The following ARID4B variants were observed in gnomAD, a reference collection of about 807,000 sequenced individuals.
ARID4B encodes the protein AT-rich interactive domain-containing protein 4B.
A neutral mutation model predicts 147.5 loss-of-function variants in ARID4B; 26 were observed. The ratio of observed to expected loss-of-function variants is 0.18; its 90% CI spans 0.13 to 0.24. The LOEUF (loss-of-function observed/expected upper bound fraction) is 0.24, where lower values mean the gene tolerates loss of function less well. Among genes scored for constraint, ARID4B ranks in the 10% least tolerant of loss-of-function variants. The pLI is 1.00. For synonymous variants in ARID4B, 512 were observed against 507.9 expected (o/e 1.01, Z -0.11); for missense variants, 1,179 against 1,511.5 (o/e 0.78, Z 3.65).
At chr1:235,261,499 G>A (rs531419678) in intron 2 of ARID4B, among the ~76,000 whole-genome samples, 1 of 152,244 alleles carries the variant, frequency 6.6e-6, no homozygotes, top group South Asian at 2.1e-4. Context: ...ACTCTAGCCT[G>A]GGCCACAGAG....
chr1:235,233,807 C>T (rs1401566642), intron 9 of ARID4B, among the ~76,000 whole-genome samples: 2 of 152,240 alleles, frequency 1.3e-5, no homozygotes, highest in Admixed American at 6.5e-5. Context: ...ATAGGCCGGG[C>T]GCGATGGCTC....
rs528355111 is a variant in ARID4B at position 235,257,455 on chromosome 1, G to C, written c.118-230C>G. ...CAATGATAGCACATCTAAATTACTAGATGTTCCACATGTCATTTTTTTTTT... is the reference window on the plus strand; with the variant it reads ...CAATGATAGCACATCTAAATTACTACATGTTCCACATGTCATTTTTTTTTT... On this transcript the variant is annotated intron_variant, in intron 3 of 23. Transcript: ENST00000264183. 4.1e-4 allele frequency among the ~76,000 whole-genome samples: 62 copies of C among 151,766 alleles called. 1 individual carries two copies. Among genetic ancestry groups the C allele is most frequent in the Admixed American group, 1.4e-3 (21 of 15,220 alleles).
At chr1:235,278,120 C>T (rs1367516246) in intron 2 of ARID4B, among the ~76,000 whole-genome samples, 1 of 152,152 alleles carries the variant, frequency 6.6e-6, no homozygotes, top group Non-Finnish European at 1.5e-5. Context: ...GATACTCGGT[C>T]TTGCCTTCTT....
At chr1:235,298,519 G>A (rs11580298) in intron 2 of ARID4B, among the ~76,000 whole-genome samples, 5,599 of 146,520 alleles carry the variant, frequency 0.038, 143 homozygotes, top group Non-Finnish European at 0.058. Flanking sequence ...TGAATATAAC[G>A]TATATTTATA....
rs568198999 is a variant in ARID4B, at chr1:235,190,023, G to A, written c.2125+3990C>T. The stretch of plus-strand genomic sequence containing the variant: ...AGAGTCTAGCAAGTAGGCATCACAG[G>A]GGATGAAAATATATCTACACAAGGC... On this transcript the variant is annotated intron_variant, in intron 19 of 23. Coordinates refer to ENST00000264183, the MANE Select transcript of ARID4B (RefSeq NM_016374.6). The A allele has an allele frequency of 1.3e-3, 195 of 154,384 alleles. 1 individual carries two copies. Among genetic ancestry groups the A allele is most frequent in the African/African-American group, 4.6e-3 (190 of 41,604 alleles). 9.6% of individuals were successfully genotyped at this position (154,384 alleles called of 1,614,324 possible). A position where few individuals can be genotyped will look rare whatever the true frequency, so the allele number is the denominator to read the frequency against.
At chr1:235,201,566 C>T (rs906041914) in intron 17 of ARID4B, among the ~76,000 whole-genome samples, 1 of 152,186 alleles carries the variant, frequency 6.6e-6, no homozygotes. Context: ...TCTAGTGATT[C>T]GCCCACCTTG....
At chr1:235,201,084 G>C (rs183676351) in intron 17 of ARID4B, among the ~76,000 whole-genome samples, 41 of 152,230 alleles carry the variant, frequency 2.7e-4, no homozygotes, top group Middle Eastern at 3.4e-3. Context: ...GGCAGAGGTG[G>C]CAGTGAGCCA....
At chr1:235,200,902 G>T (rs1665869255) in intron 17 of ARID4B, among the ~76,000 whole-genome samples, 1 of 152,112 alleles carries the variant, frequency 6.6e-6, no homozygotes, top group African/African-American at 2.4e-5. Context: ...CTAGCACTTT[G>T]GGAGGCCGAG....
intron 2 of ARID4B, among the ~76,000 whole-genome samples, chr1:235,316,051 A>G (rs1674403941): frequency 6.6e-6 from 1 of 151,900 alleles, no homozygotes; most frequent in Non-Finnish European, 1.5e-5. Context: ...AATAATCCCA[A>G]TTTGCTACAG....
chr1:235,236,862 A>ATATATATATATATATAT (rs1426582533), intron 8 of ARID4B, among the ~76,000 whole-genome samples: 1 of 17,490 alleles, frequency 5.7e-5, no homozygotes, highest in Non-Finnish European at 9.4e-5. Flanking sequence ...ATATATATAT[A>ATATATATATATATATAT]TTTTTTTTTT....
At chr1:235,256,425 G>T (rs1669996233) in intron 4 of ARID4B, among the ~76,000 whole-genome samples, 1 of 152,106 alleles carries the variant, frequency 6.6e-6, no homozygotes, top group Non-Finnish European at 1.5e-5. Flanking sequence ...AGGAAGGATA[G>T]GGACAATTTA....
At chr1:235,173,377 A>G (rs1663510365) in intron 22 of ARID4B, among the ~76,000 whole-genome samples, 1 of 152,006 alleles carries the variant, frequency 6.6e-6, no homozygotes, top group Non-Finnish European at 1.5e-5. Flanking sequence ...AAACAAAACA[A>G]AAAACCTGGA....
intron 2 of ARID4B, among the ~76,000 whole-genome samples, chr1:235,287,986 G>A (rs1672095101): frequency 6.6e-6 from 1 of 152,130 alleles, no homozygotes; most frequent in East Asian, 1.9e-4. Context: ...TACAGTCTAT[G>A]AGCATATTAT....
Position 235,233,773 on chromosome 1 carries a change from G to A in ARID4B, c.665+640C>T, listed in dbSNP as rs1188171030. ...TAGACCATCAAGAACAAACCCTAAGGAAATAATGTCAATAAATACATCAAT... is the reference window on the plus strand; with the variant it reads ...TAGACCATCAAGAACAAACCCTAAGAAAATAATGTCAATAAATACATCAAT... On this transcript the variant is annotated intron_variant, in intron 9 of 23. Transcript: ENST00000264183. Among the ~76,000 whole-genome samples, 69 of 152,002 alleles carry A rather than the reference G, an allele frequency of 4.5e-4. 1 individual carries two copies. The highest frequency in any genetic ancestry group is 4.5e-3 in the Admixed American group (68 of 15,262).
rs1336069391 is a variant in ARID4B at position 235,167,348 on chromosome 1, A to G, written c.*1177T>C. On this transcript the variant is annotated 3_prime_UTR_variant, in exon 24 of 24. Transcript: ENST00000264183. ...GCCAGATATTAAATAGCTTGAATGA[A>G]CACATCCACAATATACAAATGTCTT... 9.0e-6 allele frequency: 2 copies of G among 221,508 alleles called. No individual in the cohort carries two copies. Among genetic ancestry groups the G allele is most frequent in the African/African-American group, 4.5e-5 (2 of 44,672 alleles). 13.7% of individuals were successfully genotyped at this position (221,508 alleles called of 1,614,324 possible). A position where few individuals can be genotyped will look rare whatever the true frequency, so the allele number is the denominator to read the frequency against.
intron 19 of ARID4B, among the ~76,000 whole-genome samples, chr1:235,189,303 G>A (rs763691721): frequency 1.3e-5 from 2 of 149,358 alleles, no homozygotes; most frequent in Admixed American, 6.8e-5. Flanking sequence ...GGGAGGCTGA[G>A]GCAGGAGAAT....
chr1:235,327,032 G>C, intron 1 of ARID4B, 64 bp from the exon 2 acceptor site: 1 of 1,181,858 alleles, frequency 8.5e-7, no homozygotes, highest in Middle Eastern at 2.2e-4. Flanking sequence ...GGCGGAGGCG[G>C]AGGGAAAGAA....
At chr1:235,219,116 G>A (rs891398075) in intron 16 of ARID4B, among the ~76,000 whole-genome samples, 12 of 151,788 alleles carry the variant, frequency 7.9e-5, no homozygotes, top group African/African-American at 1.9e-4. Flanking sequence ...TGCCCGCCCC[G>A]GTCTCCCAAA....
At position 235,182,638 on chromosome 1, in the gene ARID4B, C is replaced by T; in HGVS notation, c.2281G>A (p.Glu761Lys). 1 of 1,613,582 alleles carries T rather than the reference C, an allele frequency of 6.2e-7. No homozygotes were observed. Among genetic ancestry groups the T allele is most frequent in the Non-Finnish European group, 8.5e-7 (1 of 1,179,972 alleles). Residue 761 changes from glutamate (E) to lysine (K), a missense_variant, in exon 20 of 24, where the codon GAA becomes AAA. Coordinates refer to ENST00000264183, the MANE Select transcript of ARID4B (RefSeq NM_016374.6). Reference sequence around the variant, plus strand: ...AAATCTGCATGAACTTTGTTTTCTTCTAGCAAAGATGAACTGTTCTGTTCC... The same window carrying T: ...AAATCTGCATGAACTTTGTTTTCTTTTAGCAAAGATGAACTGTTCTGTTCC... ...KEEQNSSSLL[E>K]ENKVHADLVI...
Sources: gnomAD v4.1 joint callset for allele counts (sites outside exome capture counted in the v4.1 genomes callset) on GRCh38, gnomAD v4.1.1 for gene constraint, MANE v1.5 for transcripts, NCBI Gene and HGNC (gene_info 2026-07-23, HGNC 2026-07-21) for gene names.